The following INO80 variants were observed in gnomAD, a reference collection of about 807,000 sequenced individuals.
The protein encoded by INO80 is INO80 complex ATPase subunit.
INO80 carries 20 observed loss-of-function variants against 203.4 expected under a neutral mutation model. The observed-to-expected ratio is 0.10, with a 90% CI of 0.07 to 0.14. The LOEUF (loss-of-function observed/expected upper bound fraction) is 0.14, where lower values mean the gene tolerates loss of function less well. Ranked by LOEUF, INO80 falls within the 10% of genes least tolerant of loss-of-function variation. The pLI is 1.00. For synonymous variants in INO80, 726 were observed against 685.2 expected (o/e 1.06, Z -0.93); for missense variants, 1,419 against 1,914.4 (o/e 0.74, Z 4.83).
intron 33 of INO80, 79 bp downstream of exon 33, chr15:40,984,117 GA>G: frequency 6.7e-7 from 1 of 1,482,474 alleles, no homozygotes; most frequent in South Asian, 1.2e-5. Flanking sequence ...GAGAAGCAAA[GA>G]CTGCCCAGCA....
chr15:41,026,583 A>G (rs896613587), intron 25 of INO80, among the ~76,000 whole-genome samples: 4 of 151,932 alleles, frequency 2.6e-5, no homozygotes, highest in Non-Finnish European at 4.4e-5. Flanking sequence ...AAACAAAAAA[A>G]ACCAACAAAC....
At position 40,987,862 on chromosome 15, in the gene INO80, C is replaced by T; in HGVS notation, c.3683G>A (p.Gly1228Asp). 1 of 1,614,208 alleles carries T rather than the reference C, an allele frequency of 6.2e-7. No homozygotes were observed. The highest frequency in any genetic ancestry group is 8.5e-7 in the Non-Finnish European group (1 of 1,180,026). Reference protein sequence around the residue: ...QVTVYRLICKGTIEERILQRA... With the variant: ...QVTVYRLICKDTIEERILQRA... ...TTGCAGAATGCGTTCTTCAATGGTG[C>T]CTTTACAGATGAGCCGGTACACAGT... The change falls in exon 30 of 36, where the codon GGC (glycine) becomes GAC (aspartate). Residue 1228 changes from glycine (G) to aspartate (D), a missense_variant. Around this residue, in one of 9 missense-constraint regions of INO80, gnomAD observed 65 missense variants for 186.7 expected, o/e 0.35. Coordinates refer to ENST00000648947, the MANE Select transcript of INO80 (RefSeq NM_017553.3).
At chr15:41,065,581 A>G (rs1324012069) in intron 14 of INO80, among the ~76,000 whole-genome samples, 1 of 152,226 alleles carries the variant, frequency 6.6e-6, no homozygotes, top group Non-Finnish European at 1.5e-5. Context: ...TTGCACAGGA[A>G]TGTTCATAGC....
intron 6 of INO80, among the ~76,000 whole-genome samples, 192 bp from the exon 7 acceptor site, chr15:41,085,775 A>G (rs989724859): frequency 6.6e-6 from 1 of 152,204 alleles, no homozygotes; most frequent in Non-Finnish European, 1.5e-5. Flanking sequence ...ATACTGATTG[A>G]TACCTCACTA....
At chr15:41,036,047 CAAG>C (rs529414117) in intron 24 of INO80, among the ~76,000 whole-genome samples, 2 of 142,708 alleles carry the variant, frequency 1.4e-5, no homozygotes. Context: ...CCCAGCTACT[CAAG>C]GAGGCTGAGG....
In INO80 at chr15:41,007,196, T is replaced by C. The variant is rs1033803548; in HGVS notation, c.3403-1509A>G. ...TTTTTTTTTTTCTTTTTTTTTTTTTTTTTTTTAGACACTGTCTTGCTCGTC... is the reference window on the plus strand; with the variant it reads ...TTTTTTTTTTTCTTTTTTTTTTTTTCTTTTTTAGACACTGTCTTGCTCGTC... On this transcript the variant is annotated intron_variant, in intron 27 of 35. Coordinates refer to ENST00000648947, the MANE Select transcript of INO80 (RefSeq NM_017553.3). 3.4e-5 allele frequency among the ~76,000 whole-genome samples: 5 copies of C among 147,678 alleles called. No individual in the cohort carries two copies. The South Asian group carries it at 6.5e-4, about 19-fold the overall frequency.
Position 40,994,268 on chromosome 15 carries a change from G to T in INO80, c.3570+3261C>A, listed in dbSNP as rs192059455. ...TTGGCTCAAATGTCACCTTATCAGA[G>T]ATGCCTTACCAATCCATATAAAACA... On this transcript the variant is annotated intron_variant, in intron 29 of 35. Coordinates refer to ENST00000648947, the MANE Select transcript of INO80 (RefSeq NM_017553.3). Among the ~76,000 whole-genome samples, 229 of 152,240 alleles carry T rather than the reference G, an allele frequency of 1.5e-3. 2 individuals are homozygous for T. The highest frequency in any genetic ancestry group is 0.014 in the Middle Eastern group (4 of 294).
intron 34 of INO80, 54 bp from the exon 35 acceptor site, chr15:40,983,131 AAGATG>A: frequency 7.0e-7 from 1 of 1,438,194 alleles, no homozygotes; most frequent in Non-Finnish European, 9.6e-7. Context: ...GTCAATCTCC[AAGATG>A]TTAACATCAC....
chr15:41,101,884 C>G (rs2140684141), intron 1 of INO80, among the ~76,000 whole-genome samples: 1 of 150,634 alleles, frequency 6.6e-6, no homozygotes, highest in Non-Finnish European at 1.5e-5. Context: ...ATTCTCCATA[C>G]TAGTACAAAA....
intron 26 of INO80, 113 bp from the exon 27 acceptor site, chr15:41,016,328 T>G (rs1055951234): frequency 1.9e-6 from 2 of 1,059,604 alleles, no homozygotes; most frequent in Non-Finnish European, 2.7e-6. Flanking sequence ...CTTGTCATCA[T>G]GAGATCAGAA....
chr15:41,091,980 G>C, intron 5 of INO80, 47 bp downstream of exon 5: 1 of 1,520,868 alleles, frequency 6.6e-7, no homozygotes, highest in South Asian at 1.2e-5. Context: ...TGACTATAAA[G>C]CAGAGGGTGA....
At chr15:41,066,309 CA>C (rs2045213085) in intron 14 of INO80, among the ~76,000 whole-genome samples, 1 of 151,884 alleles carries the variant, frequency 6.6e-6, no homozygotes, top group Admixed American at 6.6e-5. Context: ...TGCAGGCATG[CA>C]CTACCATATC....
rs1566918961 is a variant in INO80 at position 41,031,530 on chromosome 15, A to AGAAGGGAG, written c.2908-3802_2908-3795dup. ...AGGAAGGAAGGGGAAGGGAGGAAGG[A>AGAAGGGAG]GAAGGGAGGAAGGGAGGAGGGAGGA... On this transcript the variant is annotated intron_variant, in intron 24 of 35. Transcript: ENST00000648947. 2.0e-3 allele frequency among the ~76,000 whole-genome samples: 15 copies of AGAAGGGAG among 7,504 alleles called. 2 individuals carry two copies. Among genetic ancestry groups the AGAAGGGAG allele is most frequent in the Non-Finnish European group, 4.5e-3 (14 of 3,082 alleles). 4.9% of individuals were successfully genotyped at this position (7,504 alleles called of 152,430 possible).
chr15:40,993,384 A>T (rs2043840144), intron 29 of INO80, among the ~76,000 whole-genome samples: 4 of 152,332 alleles, frequency 2.6e-5, no homozygotes, highest in South Asian at 2.1e-4. Flanking sequence ...ACATACTTTA[A>T]TAAAATGAAA....
At chr15:40,983,973 G>A (rs996264407) in intron 33 of INO80, 52 bp from the exon 34 acceptor site, 1 of 1,579,614 alleles carries the variant, frequency 6.3e-7, no homozygotes, top group Non-Finnish European at 8.7e-7. Flanking sequence ...CACCGCCCAT[G>A]GCCTTGCACC....
intron 29 of INO80, 121 bp from the exon 30 acceptor site, chr15:40,988,095 T>A: frequency 1.3e-6 from 1 of 741,830 alleles, no homozygotes; most frequent in South Asian, 2.0e-5. Flanking sequence ...GTTTCTATGA[T>A]ATTGAGCTAA....
chr15:41,101,845 C>T (rs1341891407), intron 1 of INO80, among the ~76,000 whole-genome samples: 4 of 151,822 alleles, frequency 2.6e-5, no homozygotes, highest in Admixed American at 6.6e-5. Context: ...CCACCGCACC[C>T]GGCCTATTTG....
intron 27 of INO80, among the ~76,000 whole-genome samples, chr15:41,012,051 A>G (rs2044139936): frequency 6.6e-6 from 1 of 152,216 alleles, no homozygotes; most frequent in South Asian, 2.1e-4. Flanking sequence ...TTAAACTACA[A>G]ACTCAGTTGC....
intron 24 of INO80, among the ~76,000 whole-genome samples, chr15:41,031,726 T>C (rs936220989): frequency 2.0e-5 from 3 of 151,708 alleles, no homozygotes; most frequent in Non-Finnish European, 4.4e-5. Flanking sequence ...TCTGTCCCTT[T>C]CTCATGCTCT....
Sources: gnomAD v4.1 joint callset for allele counts (sites outside exome capture counted in the v4.1 genomes callset) on GRCh38, gnomAD v4.1.1 for gene constraint, gnomAD v4.1.1 regional missense constraint, MANE v1.5 for transcripts, NCBI Gene and HGNC (gene_info 2026-07-23, HGNC 2026-07-21) for gene names.